Variants in SLC35D4 observed in about 807,000 individuals in gnomAD.
The protein encoded by SLC35D4 is UDP-N-acetylglucosamine transporter SLC35D4.
At chr18:23,406,109 C>G in the SLC35D4 span, among the ~76,000 whole-genome samples, 1 of 152,172 alleles carries the variant, frequency 6.6e-6, no homozygotes, top group Non-Finnish European at 1.5e-5. Flanking sequence ...GATATAGCAA[C>G]AAGTGATACA....
chr18:23,310,906 T>G, the SLC35D4 span, among the ~76,000 whole-genome samples: 2 of 152,016 alleles, frequency 1.3e-5, no homozygotes, highest in African/African-American at 4.8e-5. Flanking sequence ...AAAACCTTGA[T>G]TACAAAAAAA....
chr18:23,359,924 G>A, the SLC35D4 span, among the ~76,000 whole-genome samples: 1 of 152,332 alleles, frequency 6.6e-6, no homozygotes, highest in East Asian at 1.9e-4. Context: ...CTCAAGGAAG[G>A]TTCTGAGATT....
chr18:23,249,518 A>G, the SLC35D4 span, among the ~76,000 whole-genome samples: 2 of 152,102 alleles, frequency 1.3e-5, no homozygotes, highest in Non-Finnish European at 2.9e-5. Flanking sequence ...AGAGACTGTG[A>G]CTCAGTGGGG....
At chr18:23,304,657 G>C in the SLC35D4 span, among the ~76,000 whole-genome samples, 4 of 152,136 alleles carry the variant, frequency 2.6e-5, no homozygotes, top group South Asian at 8.3e-4. Flanking sequence ...ATGTCAACCT[G>C]CCTACCATTT....
chr18:23,255,557 A>ATTT, the SLC35D4 span, among the ~76,000 whole-genome samples: 678 of 132,532 alleles, frequency 5.1e-3, 15 homozygotes, highest in African/African-American at 0.019. Flanking sequence ...TGAACTAATG[A>ATTT]TTTTTTTTTT....
the SLC35D4 span, among the ~76,000 whole-genome samples, chr18:23,355,115 C>T: frequency 3.3e-5 from 5 of 152,186 alleles, no homozygotes; most frequent in African/African-American, 1.2e-4. Context: ...AAAACCAATG[C>T]ATTCCTCAAA....
At chr18:23,376,371 A>G in the SLC35D4 span, among the ~76,000 whole-genome samples, 3 of 152,224 alleles carry the variant, frequency 2.0e-5, no homozygotes, top group Non-Finnish European at 4.4e-5. Flanking sequence ...AGGCAGGAGG[A>G]CTGGCAGAGG....
chr18:23,245,425 C>A, the SLC35D4 span, among the ~76,000 whole-genome samples: 11 of 151,234 alleles, frequency 7.3e-5, no homozygotes, highest in African/African-American at 2.7e-4. Context: ...GCACGAGAAT[C>A]GCTTGAACCC....
At chr18:23,385,526 G>A in the SLC35D4 span, among the ~76,000 whole-genome samples, 1 of 152,232 alleles carries the variant, frequency 6.6e-6, no homozygotes, top group Admixed American at 6.5e-5. Context: ...AAGCAGGGAG[G>A]TGGCAAAGTG....
the SLC35D4 span, among the ~76,000 whole-genome samples, chr18:23,318,447 T>C: frequency 6.6e-6 from 1 of 152,226 alleles, no homozygotes; most frequent in Non-Finnish European, 1.5e-5. Context: ...TAATTTTTCT[T>C]TTGTTGCTTA....
At chr18:23,281,078 A>G in the SLC35D4 span, among the ~76,000 whole-genome samples, 3 of 152,224 alleles carry the variant, frequency 2.0e-5, no homozygotes, top group Non-Finnish European at 4.4e-5. Context: ...AGAACAGGCC[A>G]ATCCATAGAG....
At chr18:23,393,885 C>T in the SLC35D4 span, among the ~76,000 whole-genome samples, 1 of 152,216 alleles carries the variant, frequency 6.6e-6, no homozygotes, top group Non-Finnish European at 1.5e-5. Context: ...TCCCAAAGTG[C>T]TGGGATTGTG....
the SLC35D4 span, among the ~76,000 whole-genome samples, chr18:23,239,136 A>G: frequency 6.6e-6 from 1 of 152,226 alleles, no homozygotes; most frequent in Non-Finnish European, 1.5e-5. Flanking sequence ...AGGCCGCAGT[A>G]TGTGTGTATG....
chr18:23,364,933 A>AAAAAAAAAAT, the SLC35D4 span, among the ~76,000 whole-genome samples: 8 of 15,790 alleles, frequency 5.1e-4, 1 homozygote, highest in African/African-American at 1.1e-3. Flanking sequence ...AAAAAAAAAA[A>AAAAAAAAAAT]GGACTCCTTT....
the SLC35D4 span, among the ~76,000 whole-genome samples, chr18:23,391,356 A>AGT: frequency 1.3e-5 from 2 of 152,216 alleles, no homozygotes; most frequent in African/African-American, 4.8e-5. Flanking sequence ...CCTACTGAAC[A>AGT]GTGCTGTGTC....
At chr18:23,436,391 A>T in the SLC35D4 span, among the ~76,000 whole-genome samples, 1 of 152,218 alleles carries the variant, frequency 6.6e-6, no homozygotes, top group Non-Finnish European at 1.5e-5. Flanking sequence ...AGGTTTAGAA[A>T]GAGTAAGGTT....
At chr18:23,383,270 G>A in the SLC35D4 span, among the ~76,000 whole-genome samples, 6 of 152,014 alleles carry the variant, frequency 3.9e-5, no homozygotes, top group Admixed American at 3.3e-4. Context: ...TATGTGGCAT[G>A]AGGACAGAGG....
chr18:23,371,926 G>GTTTTTTTTGTTTTT, the SLC35D4 span, among the ~76,000 whole-genome samples: 3 of 11,864 alleles, frequency 2.5e-4, no homozygotes, highest in African/African-American at 5.4e-4. Flanking sequence ...TTTCTTCCTT[G>GTTTTTTTTGTTTTT]TTTTTTTTGT....
At chr18:23,325,757 G>GTTT in the SLC35D4 span, among the ~76,000 whole-genome samples, 2 of 152,150 alleles carry the variant, frequency 1.3e-5, no homozygotes, top group Admixed American at 6.5e-5. Flanking sequence ...CTTCATGAAA[G>GTTT]CTAAATATAT....
Sources: allele counts gnomAD v4.1 joint callset (sites outside exome capture counted in the v4.1 genomes callset), GRCh38; gene constraint gnomAD v4.1.1; transcripts MANE v1.5; gene names NCBI Gene and HGNC (gene_info 2026-07-23, HGNC 2026-07-21).